The following RFPL3 variants were observed in gnomAD, a reference collection of about 807,000 sequenced individuals.
RFPL3 encodes ret finger protein-like 3.
In RFPL3, 8 loss-of-function variants were observed where a neutral mutation model predicts 8.7. That is an observed-to-expected ratio of 0.92 (90% CI 0.54 to 1.66). The LOEUF (loss-of-function observed/expected upper bound fraction) is 1.66. RFPL3 is among the 40% of genes most tolerant of loss of function. The probability of loss-of-function intolerance (pLI) is 0.00; values close to 1 mark genes in which losing one functional copy is unlikely to be tolerated. For synonymous variants in RFPL3, 145 were observed against 150.5 expected (o/e 0.96, Z 0.27); for missense variants, 341 against 395.0 (o/e 0.86, Z 1.16).
chr22:32,357,947 T>C lies in RFPL3; in HGVS notation c.-125T>C. 1 of 1,537,624 alleles carries C rather than the reference T, an allele frequency of 6.5e-7. No homozygotes were observed. The highest frequency in any genetic ancestry group is 8.7e-7 in the Non-Finnish European group (1 of 1,143,644). ...TCCACCTCAGCTCAGAGCACAGTGATGATTCGTGACTTTCCCAATAGAACT... is the reference window on the plus strand; with the variant it reads ...TCCACCTCAGCTCAGAGCACAGTGACGATTCGTGACTTTCCCAATAGAACT... On this transcript the variant is annotated 5_prime_UTR_variant, in exon 1 of 2. The change abolishes an upstream ATG in the 5' untranslated region. Coordinates refer to ENST00000249007, the MANE Select transcript of RFPL3 (RefSeq NM_001098535.1).
chr22:32,360,289 C>T lies in RFPL3; in HGVS notation c.411C>T (p.Phe137=), dbSNP rs936315046. ...MTLDADTANN[F]LLISDDLRSV... ...TGGATGCCGACACAGCCAACAACTT[C>T]CTCCTCATTTCTGACGACCTCAGGA... The change falls in exon 2 of 2, where the codon TTC becomes TTT. Residue 137 remains phenylalanine, a synonymous_variant. Coordinates refer to ENST00000249007, the MANE Select transcript of RFPL3 (RefSeq NM_001098535.1). 1 of 1,613,784 alleles carries T rather than the reference C, an allele frequency of 6.2e-7. No individual in the cohort carries two copies. The highest frequency in any genetic ancestry group is 8.5e-7 in the Non-Finnish European group (1 of 1,179,722).
rs1932763311 is a variant in RFPL3 at position 32,360,133 on chromosome 22, G to A, written c.374-119G>A. 3.8e-6 allele frequency: 5 copies of A among 1,331,032 alleles called. No homozygotes were observed. The Admixed American group carries it at 1.3e-4, about 35-fold the overall frequency. 82.5% of individuals were successfully genotyped at this position (1,331,032 alleles called of 1,614,324 possible). A position where few individuals can be genotyped will look rare whatever the true frequency, so the allele number is the denominator to read the frequency against. The stretch of plus-strand genomic sequence containing the variant: ...TTTCCTCATGAAAAGTTTTGATTTT[G>A]GAGGAAGAAACAGAATTAAAGAAAC... On this transcript the variant is annotated intron_variant, in intron 1 of 1. Transcript: ENST00000249007.
At chr22:32,356,023 C>A (rs1932656954), upstream of RFPL3, among the ~76,000 whole-genome samples, 1 of 151,940 alleles carries the variant, frequency 6.6e-6, no homozygotes, top group Non-Finnish European at 1.5e-5. Flanking sequence ...CATCTCTGAA[C>A]CTGCTGTAAG....
At chr22:32,357,344 A>T (rs192039516), upstream of RFPL3, among the ~76,000 whole-genome samples, 7 of 151,716 alleles carry the variant, frequency 4.6e-5, no homozygotes, top group Non-Finnish European at 1.0e-4. Context: ...TAATTTTTGT[A>T]TTGTTTGTAG....
chr22:32,355,515 G>A (rs1399969549), upstream of RFPL3, among the ~76,000 whole-genome samples: 1 of 151,924 alleles, frequency 6.6e-6, no homozygotes, highest in African/African-American at 2.4e-5. Flanking sequence ...TCCAAAGAAG[G>A]CCAGTGACTT....
chr22:32,360,229 G>T, intron 1 of RFPL3, 23 bp from the exon 2 acceptor site: 1 of 1,597,606 alleles, frequency 6.3e-7, no homozygotes. Context: ...CACTTGCTGA[G>T]CAACTTGTTT....
chr22:32,360,865 A>G lies in RFPL3; in HGVS notation c.*33A>G. 6.6e-7 allele frequency: 1 copy of G among 1,506,336 alleles called. No individual in the cohort carries two copies. Among genetic ancestry groups the G allele is most frequent in the Non-Finnish European group, 8.9e-7 (1 of 1,128,794 alleles). 93.3% of individuals were successfully genotyped at this position (1,506,336 alleles called of 1,614,324 possible). On this transcript the variant is annotated 3_prime_UTR_variant, in exon 2 of 2. Coordinates refer to ENST00000249007, the MANE Select transcript of RFPL3 (RefSeq NM_001098535.1). ...CTGCAAAAAAAAACAGGGTCAGAAA[A>G]TTACTTGGGTGGGTAGACTTAGGAA...
At chr22:32,356,729 C>T (rs893171953), upstream of RFPL3, 6 of 374,696 alleles carry the variant, frequency 1.6e-5, no homozygotes, top group Admixed American at 2.2e-4. Flanking sequence ...TGTGTGTGAC[C>T]TTACAGCTGT....
intron 1 of RFPL3, chr22:32,359,954 G>A: frequency 2.4e-6 from 1 of 419,558 alleles, no homozygotes; most frequent in Non-Finnish European, 4.2e-6. Flanking sequence ...GGTAGAAAGG[G>A]GGGCATGGTG....
upstream of RFPL3, among the ~76,000 whole-genome samples, chr22:32,357,353 A>G (rs1303370945): frequency 1.3e-5 from 2 of 152,000 alleles, no homozygotes; most frequent in East Asian, 3.9e-4. Flanking sequence ...TATTGTTTGT[A>G]GAGATGAGGT....
intron 1 of RFPL3, chr22:32,360,039 G>T (rs1315073247): frequency 1.7e-6 from 1 of 602,128 alleles, no homozygotes; most frequent in Admixed American, 3.4e-5. Flanking sequence ...AGTAAAATAA[G>T]AATTGCTACT....
upstream of RFPL3, among the ~76,000 whole-genome samples, chr22:32,355,147 A>G (rs1425526258): frequency 1.3e-5 from 2 of 151,894 alleles, 1 homozygote; most frequent in Non-Finnish European, 2.9e-5. Context: ...TTGGATGAGG[A>G]AAACCTCTAG....
chr22:32,360,444 G>A lies in RFPL3; in HGVS notation c.566G>A (p.Ser189Asn), dbSNP rs1187083853. 1 of 1,613,994 alleles carries A rather than the reference G, an allele frequency of 6.2e-7. No individual in the cohort carries two copies. Among genetic ancestry groups the A allele is most frequent in the Non-Finnish European group, 8.5e-7 (1 of 1,179,894 alleles). ...TACTGGGAGGTGGACGTGGGAACAA[G>A]CACAGAATGGGACCTGGGAGTCTGC... ...RHYWEVDVGT[S>N]TEWDLGVCRE... The change falls in exon 2 of 2, where the codon AGC becomes AAC. Residue 189 changes from serine to asparagine, a missense_variant. Ser to Asn is a conservative substitution (Grantham distance 46). Coordinates refer to ENST00000249007, the MANE Select transcript of RFPL3 (RefSeq NM_001098535.1).
chr22:32,357,630 C>T (rs999479336), upstream of RFPL3, among the ~76,000 whole-genome samples: 2 of 152,224 alleles, frequency 1.3e-5, no homozygotes, highest in Admixed American at 6.5e-5. Flanking sequence ...CCACGCCTGG[C>T]TAATTCTTTT....
chr22:32,360,590 G>A lies in RFPL3; in HGVS notation c.712G>A (p.Val238Ile). 6.2e-7 allele frequency: 1 copy of A among 1,613,846 alleles called. No individual in the cohort carries two copies. Among genetic ancestry groups the A allele is most frequent in the Non-Finnish European group, 8.5e-7 (1 of 1,179,766 alleles). ...CACGGTGCCGCTGACTTTCCTCTTA[G>A]TAGACCGCAAGTTACAGCGAGTGGG... ...ASTVPLTFLL[V>I]DRKLQRVGIF... The change falls in exon 2 of 2, where the codon GTA (valine) becomes ATA (isoleucine). Residue 238 changes from valine (V) to isoleucine (I), a missense_variant. Coordinates refer to ENST00000249007, the MANE Select transcript of RFPL3 (RefSeq NM_001098535.1).
chr22:32,360,580 T>C lies in RFPL3; in HGVS notation c.702T>C (p.Thr234=). The part of the protein sequence containing the change: ...SRLSASTVPL[T]FLLVDRKLQR... ...TCTCTGCCAGCACGGTGCCGCTGAC[T>C]TTCCTCTTAGTAGACCGCAAGTTAC... is the stretch of plus-strand genomic sequence containing the variant. The change falls in exon 2 of 2, where the codon ACT becomes ACC. Residue 234 remains threonine, a synonymous_variant. Coordinates refer to ENST00000249007, the MANE Select transcript of RFPL3 (RefSeq NM_001098535.1). The C allele has an allele frequency of 6.2e-7, 1 of 1,613,972 alleles. No homozygotes were observed. The highest frequency in any genetic ancestry group is 8.5e-7 in the Non-Finnish European group (1 of 1,179,858).
upstream of RFPL3, chr22:32,356,847 G>A (rs1202072952): frequency 2.9e-5 from 13 of 440,888 alleles, no homozygotes; most frequent in Non-Finnish European, 6.0e-5. Flanking sequence ...CTGGGTGACA[G>A]GGGTGCTGTT....
rs1569430628 is a variant in RFPL3 at position 32,358,151 on chromosome 22, C to T, written c.80C>T (p.Ala27Val). Residue 27 changes from alanine (A) to valine (V), a missense_variant, in exon 1 of 2, where the codon GCA (alanine) becomes GTA (valine). Ala to Val is a moderately conservative substitution (Grantham distance 64). Coordinates refer to ENST00000249007, the MANE Select transcript of RFPL3 (RefSeq NM_001098535.1). ...CTTCCCTTGTGTACTTTTCCCCTGG[C>T]AGTGGACATGGCTGCACTCTTCCAA... Reference protein sequence around the residue: ...NFLPLCTFPLAVDMAALFQEA... With the variant: ...NFLPLCTFPLVVDMAALFQEA... 6.2e-7 allele frequency: 1 copy of T among 1,613,988 alleles called. No homozygotes were observed. Among genetic ancestry groups the T allele is most frequent in the Non-Finnish European group, 8.5e-7 (1 of 1,179,866 alleles).
At chr22:32,357,206 G>A (rs572950189), upstream of RFPL3, among the ~76,000 whole-genome samples, 2 of 152,324 alleles carry the variant, frequency 1.3e-5, no homozygotes, top group Admixed American at 6.5e-5. Context: ...AGTGGTGGCA[G>A]TTAATTTGGT....
Sources: gnomAD v4.1 joint callset for allele counts (sites outside exome capture counted in the v4.1 genomes callset) on GRCh38, gnomAD v4.1.1 for gene constraint, MANE v1.5 for transcripts, NCBI Gene and HGNC (gene_info 2026-07-23, HGNC 2026-07-21) for gene names.